Variants in ANKRD6 observed in about 807,000 individuals in gnomAD.
ANKRD6 encodes the protein ankyrin repeat domain-containing protein 6.
ANKRD6 carries 56 observed loss-of-function variants against 82.3 expected under a neutral mutation model. The observed-to-expected ratio is 0.68, with a 90% CI of 0.55 to 0.85. The LOEUF (loss-of-function observed/expected upper bound fraction) is 0.85. ANKRD6 is among the 40% of genes least tolerant of loss of function. The pLI, the probability that ANKRD6 is intolerant of heterozygous loss-of-function variation, is 0.00. For synonymous variants in ANKRD6, 347 were observed against 352.1 expected, an observed-to-expected ratio of 0.99 and a Z score of 0.16; for missense variants, 852 against 907.6, an observed-to-expected ratio of 0.94 and a Z score of 0.79.
At chr6:89,596,080 A>C (rs1795825487) in intron 3 of ANKRD6, 66 bp downstream of exon 3, 5 of 1,379,306 alleles carry the variant, frequency 3.6e-6, no homozygotes, top group Non-Finnish European at 5.1e-6. Flanking sequence ...AGAAATCCAC[A>C]AAGTGTAAGC....
chr6:89,591,998 T>G (rs1795009176), intron 2 of ANKRD6, among the ~76,000 whole-genome samples: 1 of 152,128 alleles, frequency 6.6e-6, no homozygotes, highest in East Asian at 1.9e-4. Context: ...CCAGGAGCAT[T>G]GCTGGAGAAT....
At chr6:89,494,701 T>C (rs1778394238) in intron 1 of ANKRD6, among the ~76,000 whole-genome samples, 1 of 152,192 alleles carries the variant, frequency 6.6e-6, no homozygotes. Flanking sequence ...ATCCTTGCAG[T>C]GTGCCTTCAT....
chr6:89,504,204 A>T (rs1434472654), intron 1 of ANKRD6, among the ~76,000 whole-genome samples: 1 of 151,654 alleles, frequency 6.6e-6, no homozygotes, highest in Non-Finnish European at 1.5e-5. Context: ...TCCACGTGAG[A>T]GGTGATGGAG....
At position 89,627,632 on chromosome 6, in the gene ANKRD6, C is replaced by T. The variant is rs558482895; in HGVS notation, c.1421C>T (p.Thr474Met). ...LMVERLSAER[T>M]ECLNRLQQHS... ...GTTGAGCGACTTTCTGCAGAGAGGA[C>T]GGAGTGCCTGAACCGCCTGCAACAG... The change falls in exon 14 of 16, where the codon ACG becomes ATG. Residue 474 changes from threonine (T) to methionine (M), a missense_variant. Thr to Met is a moderately conservative substitution (Grantham distance 81). Coordinates refer to ENST00000339746, the MANE Select transcript of ANKRD6 (RefSeq NM_001242809.2). 30 of 1,613,218 alleles carry T rather than the reference C, an allele frequency of 1.9e-5. No individual in the cohort carries two copies. The highest frequency in any genetic ancestry group is 5.5e-5 in the South Asian group (5 of 91,062).
intron 14 of ANKRD6, 34 bp from the exon 15 acceptor site, chr6:89,629,078 G>A: frequency 1.9e-6 from 3 of 1,591,482 alleles, no homozygotes; most frequent in Non-Finnish European, 2.6e-6. Flanking sequence ...ATTCTTCTAT[G>A]TACTTATTTG....
At chr6:89,496,984 CAG>C (rs1187306853) in intron 1 of ANKRD6, among the ~76,000 whole-genome samples, 1 of 152,194 alleles carries the variant, frequency 6.6e-6, no homozygotes, top group Non-Finnish European at 1.5e-5. Context: ...CTACCCCAAA[CAG>C]AATGTCCCCT....
chr6:89,446,387 G>T (rs1278543325), intron 1 of ANKRD6, among the ~76,000 whole-genome samples: 1 of 151,912 alleles, frequency 6.6e-6, no homozygotes, highest in African/African-American at 2.4e-5. Flanking sequence ...ATAAAATTAG[G>T]TGAATTAATA....
intron 2 of ANKRD6, among the ~76,000 whole-genome samples, chr6:89,583,237 C>G (rs977730214): frequency 2.0e-5 from 3 of 152,172 alleles, no homozygotes; most frequent in Non-Finnish European, 4.4e-5. Context: ...GGTTAGACAT[C>G]TGGAAGTTGT....
chr6:89,632,351 T>C lies in ANKRD6; in HGVS notation c.*1347T>C, dbSNP rs991439207. On this transcript the variant is annotated 3_prime_UTR_variant, in exon 16 of 16. Transcript: ENST00000339746. ...TTTTTATAGTGACAATCCATAGATA[T>C]AGACATTCCTAAAAGAAAAATAATT... is the stretch of plus-strand genomic sequence containing the variant. The C allele has an allele frequency of 1.1e-4, 12 of 112,726 alleles. No individual in the cohort carries two copies. Among genetic ancestry groups the C allele is most frequent in the Admixed American group, 3.2e-4 (3 of 9,340 alleles). 7.0% of individuals were successfully genotyped at this position (112,726 alleles called of 1,614,324 possible). A position where few individuals can be genotyped will look rare whatever the true frequency, so the allele number is the denominator to read the frequency against.
intron 1 of ANKRD6, among the ~76,000 whole-genome samples, chr6:89,476,056 T>G (rs1388491857): frequency 6.6e-6 from 1 of 152,252 alleles, no homozygotes; most frequent in African/African-American, 2.4e-5. Context: ...TATTAAAGAA[T>G]CTTTTAAAAT....
chr6:89,579,756 C>CAAAAAAAAAAAAAAAA (rs61159223), intron 2 of ANKRD6, among the ~76,000 whole-genome samples: 1 of 68,510 alleles, frequency 1.5e-5, no homozygotes, highest in Admixed American at 2.4e-4. Context: ...GACCCTGTCT[C>CAAAAAAAAAAAAAAAA]AAAAAAAAAA....
At chr6:89,591,416 G>A (rs750655163) in intron 2 of ANKRD6, among the ~76,000 whole-genome samples, 1 of 152,068 alleles carries the variant, frequency 6.6e-6, no homozygotes, top group Non-Finnish European at 1.5e-5. Flanking sequence ...CTTCTTATTC[G>A]TTAATACATG....
At chr6:89,554,864 G>C (rs1035501179) in intron 1 of ANKRD6, among the ~76,000 whole-genome samples, 1 of 152,182 alleles carries the variant, frequency 6.6e-6, no homozygotes, top group African/African-American at 2.4e-5. Flanking sequence ...AAATTAACTT[G>C]TAAATGCATT....
At chr6:89,617,445 C>T (rs1801867938) in intron 8 of ANKRD6, among the ~76,000 whole-genome samples, 1 of 152,218 alleles carries the variant, frequency 6.6e-6, no homozygotes. Context: ...ACATTATGGC[C>T]ATAACTCGTA....
intron 2 of ANKRD6, among the ~76,000 whole-genome samples, chr6:89,588,836 T>C (rs992901291): frequency 6.6e-6 from 1 of 151,856 alleles, no homozygotes; most frequent in African/African-American, 2.4e-5. Context: ...TGAAACCCTG[T>C]CTCTACTAAA....
intron 1 of ANKRD6, among the ~76,000 whole-genome samples, chr6:89,493,694 GT>G (rs1778275177): frequency 6.6e-6 from 1 of 152,118 alleles, no homozygotes; most frequent in Non-Finnish European, 1.5e-5. Context: ...GGAATTACAG[GT>G]GTGAGCCGCC....
intron 1 of ANKRD6, among the ~76,000 whole-genome samples, chr6:89,519,729 C>T (rs1336997638): frequency 1.3e-5 from 2 of 152,146 alleles, no homozygotes; most frequent in Non-Finnish European, 2.9e-5. Flanking sequence ...ATTTTAAATT[C>T]TTGATAAATG....
intron 1 of ANKRD6, among the ~76,000 whole-genome samples, chr6:89,544,444 A>C (rs182582955): frequency 2.6e-5 from 4 of 152,164 alleles, no homozygotes; most frequent in Admixed American, 2.6e-4. Flanking sequence ...GTCCGGGCAC[A>C]GTGGCTCACG....
chr6:89,626,261 G>A (rs897370103), intron 13 of ANKRD6, among the ~76,000 whole-genome samples: 2 of 152,202 alleles, frequency 1.3e-5, no homozygotes, highest in Non-Finnish European at 2.9e-5. Flanking sequence ...AGGAATGAGA[G>A]ATGAATGTTG....
Sources: allele counts gnomAD v4.1 joint callset (sites outside exome capture counted in the v4.1 genomes callset), GRCh38; gene constraint gnomAD v4.1.1; transcripts MANE v1.5; gene names NCBI Gene and HGNC (gene_info 2026-07-23, HGNC 2026-07-21).